Variants in SLC5A8 observed in about 807,000 individuals in gnomAD.
The protein encoded by SLC5A8 is solute carrier family 5 member 8, also known as sodium-coupled monocarboxylate transporter 1.
A neutral mutation model predicts 71.9 loss-of-function variants in SLC5A8; 55 were observed. That is an observed-to-expected ratio of 0.77 (90% CI 0.62 to 0.96). SLC5A8 has a LOEUF of 0.96. SLC5A8 is among the 40% of genes least tolerant of loss of function. SLC5A8 has a pLI of 0.00. For missense variants in SLC5A8, 701 were observed against 745.3 expected (o/e 0.94, Z 0.69); for synonymous variants, 307 against 276.1 (o/e 1.11, Z -1.11).
intron 10 of SLC5A8, among the ~76,000 whole-genome samples, chr12:101,170,905 C>T (rs745774833): frequency 5.3e-5 from 8 of 152,176 alleles, no homozygotes; most frequent in Non-Finnish European, 7.4e-5. Flanking sequence ...TCCTAGTTAA[C>T]CAGCTTCCCA....
Position 101,182,912 on chromosome 12 carries a change from T to G in SLC5A8, c.1056A>C (p.Thr352=). 1 of 1,525,600 alleles carries G rather than the reference T, an allele frequency of 6.6e-7. No homozygotes were observed. The highest frequency in any genetic ancestry group is 1.3e-5 in the South Asian group (1 of 76,570). 94.5% of individuals were successfully genotyped at this position (1,525,600 alleles called of 1,614,324 possible). Residue 352 remains threonine, a synonymous_variant, in exon 9 of 15, where the codon ACA becomes ACC. Coordinates refer to ENST00000536262, the MANE Select transcript of SLC5A8 (RefSeq NM_145913.5). ...VACAYSGTLS[T]VSSSINALAA... is the part of the protein sequence containing the mutation. ...CTAAGGCATTAATACTGGAGGACAC[T>G]GTGCTGTAAGGGAAAATAAAACTTT...
At chr12:101,195,301 T>C in intron 3 of SLC5A8, 139 bp from the exon 4 acceptor site, 2 of 785,934 alleles carry the variant, frequency 2.5e-6, no homozygotes, top group East Asian at 2.7e-5. Context: ...TAAAACTAGC[T>C]CCAAATCTCA....
At chr12:101,187,977 A>G (rs905835049) in intron 6 of SLC5A8, among the ~76,000 whole-genome samples, 1 of 152,232 alleles carries the variant, frequency 6.6e-6, no homozygotes, top group Admixed American at 6.5e-5. Flanking sequence ...AAGACCACAC[A>G]TTAAGTAGGA....
At chr12:101,192,241 T>A (rs1486724804) in intron 5 of SLC5A8, among the ~76,000 whole-genome samples, 2 of 152,218 alleles carry the variant, frequency 1.3e-5, no homozygotes, top group East Asian at 1.9e-4. Context: ...AGAATCTGAA[T>A]CTTGAGCTAA....
chr12:101,192,660 T>C (rs1486474789), intron 5 of SLC5A8, among the ~76,000 whole-genome samples: 1 of 152,244 alleles, frequency 6.6e-6, no homozygotes, highest in Non-Finnish European at 1.5e-5. Context: ...TCATGTGCTG[T>C]ACTGTCATTT....
chr12:101,187,263 T>C, intron 7 of SLC5A8, 123 bp downstream of exon 7: 1 of 1,067,176 alleles, frequency 9.4e-7, no homozygotes, highest in Non-Finnish European at 1.3e-6. Flanking sequence ...TTTATAGAAA[T>C]GTAAGATGAT....
intron 7 of SLC5A8, among the ~76,000 whole-genome samples, chr12:101,185,937 T>G (rs1203141756): frequency 6.6e-6 from 1 of 152,166 alleles, no homozygotes; most frequent in East Asian, 1.9e-4. Flanking sequence ...CCCAGTGAAG[T>G]GTTAATTGAA....
chr12:101,206,924 C>T (rs1345848887), intron 1 of SLC5A8, among the ~76,000 whole-genome samples: 1 of 152,152 alleles, frequency 6.6e-6, no homozygotes, highest in Non-Finnish European at 1.5e-5. Flanking sequence ...AAAAAAAATG[C>T]TTGTGAACAG....
At chr12:101,190,718 A>G (rs1350723915) in intron 5 of SLC5A8, 110 bp from the exon 6 acceptor site, 1 of 750,294 alleles carries the variant, frequency 1.3e-6, no homozygotes, top group Non-Finnish European at 1.9e-6. Context: ...CACAACACAT[A>G]CATAAATATG....
chr12:101,208,342 A>G (rs1017327965), intron 1 of SLC5A8, among the ~76,000 whole-genome samples: 1 of 152,152 alleles, frequency 6.6e-6, no homozygotes, highest in Non-Finnish European at 1.5e-5. Context: ...CCCTGTCCCC[A>G]GCACCAGTTG....
chr12:101,202,750 T>C (rs1372804817), intron 2 of SLC5A8, among the ~76,000 whole-genome samples: 4 of 152,176 alleles, frequency 2.6e-5, no homozygotes, highest in African/African-American at 7.2e-5. Context: ...ATCTTTTTAA[T>C]ATTATTCATT....
chr12:101,195,419 A>G (rs1007008189), intron 3 of SLC5A8, among the ~76,000 whole-genome samples: 5 of 152,196 alleles, frequency 3.3e-5, no homozygotes, highest in African/African-American at 1.2e-4. Context: ...AGGCGTTTAT[A>G]TTGTAATTAA....
intron 6 of SLC5A8, among the ~76,000 whole-genome samples, chr12:101,189,613 A>C (rs1219726539): frequency 2.0e-5 from 3 of 152,130 alleles, no homozygotes; most frequent in Non-Finnish European, 4.4e-5. Context: ...AGAAGGAACC[A>C]GCCACCATTC....
intron 2 of SLC5A8, 55 bp from the exon 3 acceptor site, chr12:101,202,270 T>C (rs1869488533): frequency 7.1e-7 from 1 of 1,401,302 alleles, no homozygotes; most frequent in African/African-American, 1.5e-5. Flanking sequence ...ATTCATGAAT[T>C]ACGTCTGAGT....
intron 10 of SLC5A8, among the ~76,000 whole-genome samples, chr12:101,178,000 C>A (rs965217505): frequency 6.6e-6 from 1 of 152,104 alleles, no homozygotes; most frequent in African/African-American, 2.4e-5. Context: ...ACAAAACAAA[C>A]TAAACCATAA....
rs747753745 is a variant in SLC5A8 at position 101,209,891 on chromosome 12, C to A, written c.-43G>T. On this transcript the variant is annotated 5_prime_UTR_variant, in exon 1 of 15. Transcript: ENST00000536262. ...AGCCCTGCGCGCAAACTGGTGGCCC[C>A]GCGGCGCGCAGCCGGAGCCCGGCGC... 2.0e-6 allele frequency: 3 copies of A among 1,465,186 alleles called. No homozygotes were observed. Among genetic ancestry groups the A allele is most frequent in the Non-Finnish European group, 2.7e-6 (3 of 1,105,174 alleles). 90.8% of individuals were successfully genotyped at this position (1,465,186 alleles called of 1,614,324 possible).
rs571477359 is a variant in SLC5A8, at chr12:101,172,884, G to T, written c.1234-4702C>A. Among the ~76,000 whole-genome samples the T allele has an allele frequency of 6.6e-5, 10 of 152,258 alleles. No individual in the cohort carries two copies. In the South Asian group the frequency reaches 2.1e-3, roughly 32 times the overall value. ...CTTAAAAACATCTGTAAACCATCCG[G>T]GTGCAAGGTGGTCTGTTCCAAGGTC... On this transcript the variant is annotated intron_variant, in intron 10 of 14. Transcript: ENST00000536262.
chr12:101,195,994 C>A (rs547932847), intron 3 of SLC5A8, among the ~76,000 whole-genome samples: 3 of 152,096 alleles, frequency 2.0e-5, no homozygotes, highest in African/African-American at 4.8e-5. Context: ...CGCGCCTGGC[C>A]GGTAATGCTT....
Position 101,157,380 on chromosome 12 carries a change from T to C in SLC5A8, c.1732A>G (p.Lys578Glu), listed in dbSNP as rs1018502331. ...FKKKKHVLSY[K>E]SHPVEDGGTD... ...CCACCATCTTCCACTGGATGTGATTTATAGCTCAAAACATGCTTCTTCTAA... is the reference window on the plus strand; with the variant it reads ...CCACCATCTTCCACTGGATGTGATTCATAGCTCAAAACATGCTTCTTCTAA... The change falls in exon 15 of 15, where the codon AAA (lysine) becomes GAA (glutamate). Residue 578 changes from lysine to glutamate, a missense_variant. Physicochemically the swap from Lys to Glu is moderately conservative, Grantham distance 56. Transcript: ENST00000536262. The C allele has an allele frequency of 1.9e-6, 3 of 1,607,140 alleles. No individual in the cohort carries two copies. Among genetic ancestry groups the C allele is most frequent in the Non-Finnish European group, 2.6e-6 (3 of 1,176,180 alleles).
Sources: gnomAD v4.1 joint callset for allele counts (sites outside exome capture counted in the v4.1 genomes callset) on GRCh38, gnomAD v4.1.1 for gene constraint, MANE v1.5 for transcripts, NCBI Gene and HGNC (gene_info 2026-07-23, HGNC 2026-07-21) for gene names.